ZNF385B: variants seen among roughly 807,000 people sequenced by gnomAD.
ZNF385B encodes zinc finger protein 385B.
Under a neutral mutation model 39.2 loss-of-function variants are expected in ZNF385B, and 23 were observed. The ratio of observed to expected loss-of-function variants is 0.59; its 90% CI spans 0.42 to 0.83. The LOEUF (loss-of-function observed/expected upper bound fraction) is 0.83. Ranked by LOEUF, ZNF385B falls within the 40% of genes least tolerant of loss-of-function variation. ZNF385B has a pLI of 0.00. For missense variants in ZNF385B, 552 were observed against 598.9 expected, an observed-to-expected ratio of 0.92 and a Z score of 0.82; for synonymous variants, 205 against 222.6, an observed-to-expected ratio of 0.92 and a Z score of 0.70.
At chr2:179,623,307 C>A (rs1162107828) in intron 3 of ZNF385B, among the ~76,000 whole-genome samples, 1 of 151,736 alleles carries the variant, frequency 6.6e-6, no homozygotes, top group African/African-American at 2.4e-5. Context: ...AGAATTTAAA[C>A]CTATGTCTCC....
At chr2:179,621,698 A>G (rs1331482346) in intron 3 of ZNF385B, among the ~76,000 whole-genome samples, 1 of 152,080 alleles carries the variant, frequency 6.6e-6, no homozygotes, top group Non-Finnish European at 1.5e-5. Flanking sequence ...AAGAAACAAG[A>G]TTTCATCTGG....
At chr2:179,609,824 A>G (rs1335235024) in intron 3 of ZNF385B, among the ~76,000 whole-genome samples, 1 of 152,178 alleles carries the variant, frequency 6.6e-6, no homozygotes, top group Non-Finnish European at 1.5e-5. Flanking sequence ...ATGATCAATG[A>G]TGTTGAGCAC....
At chr2:179,777,836 G>A (rs1704425511) in intron 1 of ZNF385B, among the ~76,000 whole-genome samples, 1 of 149,370 alleles carries the variant, frequency 6.7e-6, no homozygotes, top group Non-Finnish European at 1.5e-5. Flanking sequence ...GCAGTGGCAC[G>A]ATCTCGGCAC....
chr2:179,780,524 A>T (rs1704604601), intron 1 of ZNF385B, among the ~76,000 whole-genome samples: 1 of 152,122 alleles, frequency 6.6e-6, no homozygotes, highest in Admixed American at 6.5e-5. Context: ...TGTTTTCCAC[A>T]TTCCATTCTG....
intron 1 of ZNF385B, among the ~76,000 whole-genome samples, chr2:179,845,824 G>T (rs1222135023): frequency 6.6e-6 from 1 of 152,148 alleles, no homozygotes; most frequent in African/African-American, 2.4e-5. Context: ...TTTAAAGTAT[G>T]TTTAAGGTGG....
rs931461251 is a variant in ZNF385B, at chr2:179,495,178, C to A, written c.553-11744G>T. On this transcript the variant is annotated intron_variant, in intron 5 of 9. Transcript: ENST00000410066. ...CAGGCCAGGCAGCCTTCATGACAAG[C>A]TGACTTAAGAGATCCTGGGCCTTAA... Among the ~76,000 whole-genome samples, 7 of 152,246 alleles carry A rather than the reference C, an allele frequency of 4.6e-5. 1 individual carries two copies. The South Asian group carries it at 1.4e-3, about 32-fold the overall frequency.
intron 5 of ZNF385B, among the ~76,000 whole-genome samples, chr2:179,493,374 TGC>T (rs66652398): frequency 0.37 from 55,112 of 150,954 alleles, 10,960 homozygotes; most frequent in East Asian, 0.52. Flanking sequence ...TAGGTTTGTG[TGC>T]GCGCGCACAT....
intron 3 of ZNF385B, among the ~76,000 whole-genome samples, chr2:179,767,097 A>G (rs1366994842): frequency 2.0e-5 from 3 of 152,250 alleles, no homozygotes; most frequent in Non-Finnish European, 4.4e-5. Flanking sequence ...AGTGTGGAAG[A>G]AAGAGGCACA....
intron 5 of ZNF385B, among the ~76,000 whole-genome samples, chr2:179,492,226 G>T (rs771895590): frequency 1.1e-4 from 17 of 152,236 alleles, no homozygotes; most frequent in Non-Finnish European, 2.4e-4. Context: ...TATATCCCAA[G>T]TTGCTAATGT....
chr2:179,844,333 T>C (rs1000110547), intron 1 of ZNF385B, among the ~76,000 whole-genome samples: 11 of 152,234 alleles, frequency 7.2e-5, no homozygotes, highest in Non-Finnish European at 4.4e-5. Flanking sequence ...AGGTGGGTTC[T>C]AGAGTCAATG....
chr2:179,685,487 G>C lies in ZNF385B; in HGVS notation c.298+84016C>G, dbSNP rs1036917085. On this transcript the variant is annotated intron_variant, in intron 3 of 9. Coordinates refer to ENST00000410066, the MANE Select transcript of ZNF385B (RefSeq NM_152520.6). ...AAAAGTTCATTGCATTGAATTTCTT[G>C]GTATCAGCATCACTGCCCTCCTAAT... Among the ~76,000 whole-genome samples, 29 of 152,044 alleles carry C rather than the reference G, an allele frequency of 1.9e-4. 3 individuals are homozygous for C. Among genetic ancestry groups the C allele is most frequent in the Non-Finnish European group, 1.5e-5 (1 of 68,002 alleles).
chr2:179,739,523 G>A (rs552670590), intron 3 of ZNF385B, among the ~76,000 whole-genome samples: 5 of 152,302 alleles, frequency 3.3e-5, no homozygotes, highest in African/African-American at 7.2e-5. Flanking sequence ...CTTAGCTATC[G>A]TGTTTTCAGG....
At chr2:179,839,382 A>G (rs1228464276) in intron 1 of ZNF385B, among the ~76,000 whole-genome samples, 3 of 152,208 alleles carry the variant, frequency 2.0e-5, no homozygotes, top group Non-Finnish European at 4.4e-5. Flanking sequence ...AATGGATCAC[A>G]AAAGAAATGA....
intron 1 of ZNF385B, among the ~76,000 whole-genome samples, chr2:179,789,055 T>G (rs182888057): frequency 1.3e-5 from 2 of 152,300 alleles, no homozygotes; most frequent in East Asian, 3.9e-4. Flanking sequence ...TTGTCAAATA[T>G]CTCCACTGCC....
intron 3 of ZNF385B, among the ~76,000 whole-genome samples, chr2:179,665,857 A>G (rs1695081972): frequency 6.6e-6 from 1 of 151,664 alleles, no homozygotes; most frequent in African/African-American, 2.4e-5. Flanking sequence ...TACCTGCTCA[A>G]TGTATACCCA....
At chr2:179,775,766 C>G (rs1193263052) in intron 1 of ZNF385B, among the ~76,000 whole-genome samples, 1 of 152,178 alleles carries the variant, frequency 6.6e-6, no homozygotes, top group Non-Finnish European at 1.5e-5. Flanking sequence ...AAAGCATAGA[C>G]TCTATTCTGT....
intron 3 of ZNF385B, among the ~76,000 whole-genome samples, chr2:179,618,702 C>A (rs1030179001): frequency 6.6e-6 from 1 of 152,132 alleles, no homozygotes; most frequent in African/African-American, 2.4e-5. Context: ...GTAGGGGCAG[C>A]CAGGTTATCC....
chr2:179,635,393 G>C (rs868034427), intron 3 of ZNF385B, among the ~76,000 whole-genome samples: 3 of 119,298 alleles, frequency 2.5e-5, no homozygotes, highest in East Asian at 6.1e-4. Context: ...GGGGTGGGGG[G>C]GCTGGGGGAG....
chr2:179,449,214 G>A (rs892748444), intron 6 of ZNF385B, among the ~76,000 whole-genome samples: 3 of 152,136 alleles, frequency 2.0e-5, no homozygotes, highest in African/African-American at 7.2e-5. Context: ...CTGGTAAGAG[G>A]CGTGAGAGCA....
Sources: gnomAD v4.1 joint callset for allele counts (sites outside exome capture counted in the v4.1 genomes callset) on GRCh38, gnomAD v4.1.1 for gene constraint, MANE v1.5 for transcripts, NCBI Gene and HGNC (gene_info 2026-07-23, HGNC 2026-07-21) for gene names.